Variants in CHRNA7 observed in about 807,000 individuals in gnomAD.
CHRNA7 encodes the protein cholinergic receptor nicotinic alpha 7 subunit.
Under a neutral mutation model 48.0 loss-of-function variants are expected in CHRNA7, and 17 were observed. That is an observed-to-expected ratio of 0.35 (90% CI 0.24 to 0.53). CHRNA7 has a LOEUF of 0.53. Ranked by LOEUF, CHRNA7 falls within the 20% of genes least tolerant of loss-of-function variation. CHRNA7 has a pLI of 0.92. For synonymous variants in CHRNA7, 75 were observed against 242.3 expected (o/e 0.31, Z 6.41); for missense variants, 155 against 577.7 (o/e 0.27, Z 7.50).
chr15:32,104,649 G>A (rs1500949), intron 3 of CHRNA7, among the ~76,000 whole-genome samples: 38 of 152,210 alleles, frequency 2.5e-4, no homozygotes, highest in African/African-American at 8.7e-4. Flanking sequence ...ACCTGTAGCG[G>A]GCACCAAAGA....
chr15:32,070,729 C>A (rs901649498), intron 2 of CHRNA7, among the ~76,000 whole-genome samples: 14 of 116,062 alleles, frequency 1.2e-4, no homozygotes, highest in African/African-American at 4.4e-4. Context: ...CTCTGTCGCC[C>A]AGGCTGGAGT....
At chr15:32,123,280 C>T (rs914247863) in intron 4 of CHRNA7, among the ~76,000 whole-genome samples, 8 of 151,972 alleles carry the variant, frequency 5.3e-5, no homozygotes, top group African/African-American at 1.5e-4. Flanking sequence ...AGATAAACCT[C>T]GTTAAATGCA....
At position 32,122,569 on chromosome 15, in the gene CHRNA7, G is replaced by A. The variant is rs145220487; in HGVS notation, c.350+10670G>A. 6.0e-4 allele frequency among the ~76,000 whole-genome samples: 91 copies of A among 152,166 alleles called. 1 individual carries two copies. The East Asian group carries it at 8.1e-3, about 14-fold the overall frequency. On this transcript the variant is annotated intron_variant, in intron 4 of 9. Coordinates refer to ENST00000306901, the MANE Select transcript of CHRNA7 (RefSeq NM_000746.6). Reference sequence around the variant, plus strand: ...ATGGCTTTGGGGTCCCAGACCAGGAGACTATCCATTTATTCTACTAAATAG... The same window carrying A: ...ATGGCTTTGGGGTCCCAGACCAGGAAACTATCCATTTATTCTACTAAATAG...
rs139275618 is a variant in CHRNA7, at chr15:32,131,366, C to CTT, written c.350+19474_350+19475dup. Among the ~76,000 whole-genome samples, 162 of 150,536 alleles carry CTT rather than the reference C, an allele frequency of 1.1e-3. 2 individuals carry two copies. The South Asian group carries it at 0.033, about 31-fold the overall frequency. On this transcript the variant is annotated intron_variant, in intron 4 of 9. Coordinates refer to ENST00000306901, the MANE Select transcript of CHRNA7 (RefSeq NM_000746.6). Reference sequence around the variant, plus strand: ...CCTGCAGGCTGTGTCGATTTTTTTTCTTTTTTTTGGTCTATTTTACCTTTG... The same window carrying CTT: ...CCTGCAGGCTGTGTCGATTTTTTTTCTTTTTTTTTTGGTCTATTTTACCTTTG...
intron 2 of CHRNA7, among the ~76,000 whole-genome samples, chr15:32,092,056 G>A (rs1435997224): frequency 6.6e-6 from 1 of 152,102 alleles, no homozygotes; most frequent in African/African-American, 2.4e-5. Flanking sequence ...TCTAGCTATG[G>A]CTTCTTTGTT....
At chr15:32,051,039 G>A (rs1335218788) in intron 2 of CHRNA7, among the ~76,000 whole-genome samples, 6 of 136,684 alleles carry the variant, frequency 4.4e-5, no homozygotes, top group Admixed American at 7.3e-5. Flanking sequence ...GGCCGTGTGA[G>A]GTGTCAGTCT....
intron 2 of CHRNA7, among the ~76,000 whole-genome samples, chr15:32,087,228 T>C (rs1040965063): frequency 6.6e-6 from 1 of 152,244 alleles, no homozygotes; most frequent in African/African-American, 2.4e-5. Flanking sequence ...AGTATTACCT[T>C]ATTTTGTTGT....
chr15:32,105,402 G>T (rs996261426), intron 3 of CHRNA7, among the ~76,000 whole-genome samples: 21 of 151,056 alleles, frequency 1.4e-4, no homozygotes, highest in Middle Eastern at 3.4e-3. Flanking sequence ...AATGGAGGAG[G>T]AGTTGGAGGA....
rs1311551348 is a variant in CHRNA7 at position 32,095,686 on chromosome 15, A to G, written c.196-5617A>G. 3.3e-5 allele frequency among the ~76,000 whole-genome samples: 5 copies of G among 152,140 alleles called. No individual in the cohort carries two copies. In the East Asian group the frequency reaches 7.7e-4, roughly 23 times the overall value. The stretch of plus-strand genomic sequence containing the variant: ...AAGGGAAAAGGGGGATGAAAGAGGG[A>G]AATAACGTCTAACCATTATGAAAAA... On this transcript the variant is annotated intron_variant, in intron 2 of 9. Coordinates refer to ENST00000306901, the MANE Select transcript of CHRNA7 (RefSeq NM_000746.6).
At position 32,030,722 on chromosome 15, in the gene CHRNA7, C is replaced by T. The variant is rs763222194; in HGVS notation, c.55+73C>T. 5.9e-6 allele frequency: 9 copies of T among 1,535,768 alleles called. No individual in the cohort carries two copies. In the South Asian group the frequency reaches 1.1e-4, roughly 18 times the overall value. On this transcript the variant is annotated intron_variant, in intron 1 of 9. Coordinates refer to ENST00000306901, the MANE Select transcript of CHRNA7 (RefSeq NM_000746.6). ...CACATCCCGGGCGCCTCTGTGCGCC[C>T]CGCGCCTGGGCCAGGTTTGGGATCT...
At chr15:32,139,040 C>A (rs1012319083) in intron 4 of CHRNA7, among the ~76,000 whole-genome samples, 1 of 152,210 alleles carries the variant, frequency 6.6e-6, no homozygotes, top group African/African-American at 2.4e-5. Context: ...AGGCGTGAGC[C>A]ACTGCGCCCG....
At chr15:32,067,397 C>CT (rs2049983654) in intron 2 of CHRNA7, among the ~76,000 whole-genome samples, 1 of 152,210 alleles carries the variant, frequency 6.6e-6, no homozygotes, top group African/African-American at 2.4e-5. Flanking sequence ...GAAGAAAAGA[C>CT]TTTAAGAATT....
intron 2 of CHRNA7, among the ~76,000 whole-genome samples, chr15:32,038,867 A>G (rs2049398096): frequency 1.3e-5 from 2 of 152,262 alleles, no homozygotes; most frequent in African/African-American, 2.4e-5. Flanking sequence ...AAATTTGTAG[A>G]CTTCACCAGT....
At chr15:32,043,173 T>C (rs184615124) in intron 2 of CHRNA7, among the ~76,000 whole-genome samples, 1 of 152,302 alleles carries the variant, frequency 6.6e-6, no homozygotes, top group Non-Finnish European at 1.5e-5. Flanking sequence ...TTAAAATACA[T>C]TTATATGTTT....
At chr15:32,094,660 CTTTTTCT>C (rs1195178132) in intron 2 of CHRNA7, among the ~76,000 whole-genome samples, 1 of 81,208 alleles carries the variant, frequency 1.2e-5, no homozygotes, top group Non-Finnish European at 2.5e-5. Context: ...TTTTCTTTTT[CTTTTTCT>C]TTTTTTTTTT....
chr15:32,102,157 T>G (rs1301532884), intron 3 of CHRNA7: 1 of 152,242 alleles, frequency 6.6e-6, no homozygotes, highest in Non-Finnish European at 1.5e-5. Flanking sequence ...TTTGTTTGTT[T>G]GAGACAGAGC....
At chr15:32,134,030 A>G (rs1021943240) in intron 4 of CHRNA7, among the ~76,000 whole-genome samples, 1 of 152,216 alleles carries the variant, frequency 6.6e-6, no homozygotes, top group Admixed American at 6.5e-5. Flanking sequence ...ATAAGTGTCC[A>G]GGTGTGAGGC....
chr15:32,081,209 T>C (rs1467749145), intron 2 of CHRNA7, among the ~76,000 whole-genome samples: 17 of 152,098 alleles, frequency 1.1e-4, no homozygotes, highest in Admixed American at 1.1e-3. Context: ...ACCTAGGTGA[T>C]GGGTTGATAG....
In CHRNA7 at chr15:32,149,538, A is replaced by T. The variant is rs1235278605; in HGVS notation, c.351-4369A>T. Among the ~76,000 whole-genome samples, 1 of 152,246 alleles carries T rather than the reference A, an allele frequency of 6.6e-6. No individual in the cohort carries two copies. Among genetic ancestry groups the T allele is most frequent in the African/African-American group, 2.4e-5 (1 of 41,472 alleles). Reference sequence around the variant, plus strand: ...TCTCCACCCCTAATGCTCAAAACAGATAAAGTAGTATTAGCACAAATCCAT... The same window carrying T: ...TCTCCACCCCTAATGCTCAAAACAGTTAAAGTAGTATTAGCACAAATCCAT... On this transcript the variant is annotated intron_variant, in intron 4 of 9. Coordinates refer to ENST00000306901, the MANE Select transcript of CHRNA7 (RefSeq NM_000746.6). This position sits in a 1 kb window ranked among gnomAD's most constrained non-coding sequence, Gnocchi z 4.6.
Sources: allele counts gnomAD v4.1 joint callset (sites outside exome capture counted in the v4.1 genomes callset), GRCh38; gene constraint gnomAD v4.1.1; non-coding constraint Gnocchi (gnomAD v3.1); transcripts MANE v1.5; gene names NCBI Gene and HGNC (gene_info 2026-07-23, HGNC 2026-07-21).